Variants in SGCZ observed in about 807,000 individuals in gnomAD.
SGCZ encodes sarcoglycan zeta, also known as zeta-sarcoglycan.
A neutral mutation model predicts 41.3 loss-of-function variants in SGCZ; 40 were observed. That is an observed-to-expected ratio of 0.97 (90% CI 0.75 to 1.26). The LOEUF is 1.26. Ranked by LOEUF, SGCZ falls within the 50% of genes most tolerant of loss-of-function variation. The pLI, the probability that SGCZ is intolerant of heterozygous loss-of-function variation, is 0.00. For synonymous variants in SGCZ, 206 were observed against 137.5 expected (o/e 1.50, Z -3.49); for missense variants, 552 against 369.8 (o/e 1.49, Z -4.04).
At chr8:14,120,467 A>C (rs1357513998) in intron 5 of SGCZ, among the ~76,000 whole-genome samples, 2 of 152,116 alleles carry the variant, frequency 1.3e-5, no homozygotes, top group African/African-American at 4.8e-5. Flanking sequence ...TTCACTTAAG[A>C]ACATTACACA....
At chr8:14,150,877 G>A (rs914911393) in intron 5 of SGCZ, among the ~76,000 whole-genome samples, 13 of 152,130 alleles carry the variant, frequency 8.5e-5, no homozygotes, top group East Asian at 1.9e-4. Context: ...TTGCATCAAC[G>A]TGGATGGAAC....
Position 15,198,245 on chromosome 8 carries a change from C to T in SGCZ, c.39+39340G>A, listed in dbSNP as rs186616730. On this transcript the variant is annotated intron_variant, in intron 1 of 7. Coordinates refer to ENST00000382080, the MANE Select transcript of SGCZ (RefSeq NM_139167.4). ...AAATCTTCACCTATTTGCATTTTTA[C>T]GCCAAAATATGATTTCATGTTCAAG... Among the ~76,000 whole-genome samples the T allele has an allele frequency of 2.2e-3, 337 of 151,824 alleles. 3 individuals are homozygous for T. Among genetic ancestry groups the T allele is most frequent in the South Asian group, 1.7e-3 (8 of 4,812 alleles).
intron 1 of SGCZ, among the ~76,000 whole-genome samples, chr8:14,625,295 G>A (rs1806418003): frequency 6.6e-6 from 1 of 151,966 alleles, no homozygotes; most frequent in South Asian, 2.1e-4. Flanking sequence ...TTCTTTCCAT[G>A]GATCATCTAG....
chr8:15,227,014 G>A (rs1316689765), intron 1 of SGCZ, among the ~76,000 whole-genome samples: 1 of 152,158 alleles, frequency 6.6e-6, no homozygotes, highest in Middle Eastern at 3.2e-3. Context: ...TGAAAGGTGT[G>A]CTCCATTTTG....
intron 2 of SGCZ, among the ~76,000 whole-genome samples, chr8:14,418,610 T>C (rs1799559454): frequency 6.7e-6 from 1 of 149,378 alleles, no homozygotes; most frequent in Non-Finnish European, 1.5e-5. Context: ...CAAAGTCTGC[T>C]AACTATCAAT....
intron 5 of SGCZ, among the ~76,000 whole-genome samples, chr8:14,118,705 T>C (rs1384590369): frequency 6.6e-6 from 1 of 152,192 alleles, no homozygotes; most frequent in South Asian, 2.1e-4. Context: ...GTGTTACATT[T>C]AGGTCTGTAA....
chr8:14,825,628 C>T lies in SGCZ; in HGVS notation c.40-270702G>A, dbSNP rs141660473. ...AAATTAATTAACTCATTCATCCCCA[C>T]ATAAGCTTTATCTTAGTACAACGGA... On this transcript the variant is annotated intron_variant, in intron 1 of 7. Transcript: ENST00000382080. Among the ~76,000 whole-genome samples, 159 of 152,302 alleles carry T rather than the reference C, an allele frequency of 1.0e-3. 2 individuals are homozygous for T. The highest frequency in any genetic ancestry group is 3.7e-3 in the African/African-American group (154 of 41,578).
chr8:14,553,762 A>C (rs1482942750), intron 2 of SGCZ, among the ~76,000 whole-genome samples: 2 of 152,068 alleles, frequency 1.3e-5, no homozygotes, highest in Non-Finnish European at 2.9e-5. Context: ...ACCAATACCC[A>C]GTGGGGTTTA....
chr8:14,181,236 G>C (rs912695865), intron 4 of SGCZ, among the ~76,000 whole-genome samples: 2 of 152,124 alleles, frequency 1.3e-5, no homozygotes, highest in African/African-American at 4.8e-5. Context: ...TCCTACCTTG[G>C]GAGCTGAAAA....
Position 15,187,773 on chromosome 8 carries a change from G to C in SGCZ, c.39+49812C>G, listed in dbSNP as rs557392469. Among the ~76,000 whole-genome samples the C allele has an allele frequency of 5.3e-5, 8 of 152,066 alleles. No individual in the cohort carries two copies. In the South Asian group the frequency reaches 1.7e-3, roughly 31 times the overall value. On this transcript the variant is annotated intron_variant, in intron 1 of 7. Transcript: ENST00000382080. The stretch of plus-strand genomic sequence containing the variant: ...TAAAAAATAAGCTCTTCGTGAGTTT[G>C]ATTATGGACTATTATAAAGGATTTT...
intron 2 of SGCZ, among the ~76,000 whole-genome samples, chr8:14,367,386 C>A (rs1451845233): frequency 6.6e-6 from 1 of 152,194 alleles, no homozygotes; most frequent in East Asian, 1.9e-4. Context: ...AAACTCTTTG[C>A]CTGTTAGTTC....
chr8:14,122,887 C>G (rs1802743997), intron 5 of SGCZ, among the ~76,000 whole-genome samples: 1 of 152,126 alleles, frequency 6.6e-6, no homozygotes, highest in South Asian at 2.1e-4. Context: ...AGCCAGCTAC[C>G]TCAACAAAAT....
chr8:15,172,152 C>CGGTTTTTTTTT lies in SGCZ; in HGVS notation c.39+65432_39+65433insAAAAAAAAACC, dbSNP rs1322884184. On this transcript the variant is annotated intron_variant, in intron 1 of 7. Transcript: ENST00000382080. ...AAAGGAAAAAAATGCCTTTTATACT[C>CGGTTTTTTTTT]TGTTTTTTTTTTTTTTTTTTTTTTT... Among the ~76,000 whole-genome samples, 31 of 70,540 alleles carry CGGTTTTTTTTT rather than the reference C, an allele frequency of 4.4e-4. 2 individuals are homozygous for CGGTTTTTTTTT. Among genetic ancestry groups the CGGTTTTTTTTT allele is most frequent in the East Asian group, 8.4e-4 (2 of 2,384 alleles). The allele number at this position is 70,540 out of a possible 152,430, so 46.3% of individuals were successfully genotyped here. A position where few individuals can be genotyped will look rare whatever the true frequency, so the allele number is the denominator to read the frequency against.
chr8:14,674,915 T>C, intron 1 of SGCZ, among the ~76,000 whole-genome samples: 1 of 139,852 alleles, frequency 7.2e-6, no homozygotes, highest in Non-Finnish European at 1.5e-5. Flanking sequence ...CAATTTAACC[T>C]CTTTTCTTTT....
rs1384474472 is a variant in SGCZ, at chr8:14,853,069, A to C, written c.40-298143T>G. On this transcript the variant is annotated intron_variant, in intron 1 of 7. Transcript: ENST00000382080. ...AGTATATTCCAATAGCGGCCTTTGC[A>C]TGTGTGCATTATAGCAGCATTCATA... is the stretch of plus-strand genomic sequence containing the variant. Among the ~76,000 whole-genome samples the C allele has an allele frequency of 5.9e-5, 9 of 152,214 alleles. No individual in the cohort carries two copies. In the East Asian group the frequency reaches 1.7e-3, roughly 29 times the overall value.
chr8:14,656,639 C>A lies in SGCZ; in HGVS notation c.40-101713G>T, dbSNP rs544546615. Among the ~76,000 whole-genome samples the A allele has an allele frequency of 4.0e-5, 6 of 148,810 alleles. No individual in the cohort carries two copies. In the East Asian group the frequency reaches 1.0e-3, roughly 25 times the overall value. On this transcript the variant is annotated intron_variant, in intron 1 of 7. Coordinates refer to ENST00000382080, the MANE Select transcript of SGCZ (RefSeq NM_139167.4). ...CTCTCTCTCTCTCTCCTCCCCTCTCCTTTCCTCTCCTTTCATTTCCCTTTT... is the reference window on the plus strand; with the variant it reads ...CTCTCTCTCTCTCTCCTCCCCTCTCATTTCCTCTCCTTTCATTTCCCTTTT...
In SGCZ at chr8:14,090,460, T is replaced by C. The variant is rs1248837798; in HGVS notation, c.922A>G (p.Ile308Val). ...VGSTCQSSSN[I>V]CLWS Reference sequence around the variant, plus strand: ...CAGTCACTTCAGCTCCACAGGCAGATGTTGCTACTGGACTGACAAGTGGAA... The same window carrying C: ...CAGTCACTTCAGCTCCACAGGCAGACGTTGCTACTGGACTGACAAGTGGAA... Residue 308 changes from isoleucine (I) to valine (V), a missense_variant, in exon 8 of 8, where the codon ATC becomes GTC. Ile to Val is a conservative substitution (Grantham distance 29). Transcript: ENST00000382080. 8 of 1,612,340 alleles carry C rather than the reference T, an allele frequency of 5.0e-6. No individual in the cohort carries two copies. The highest frequency in any genetic ancestry group is 6.8e-6 in the Non-Finnish European group (8 of 1,179,080).
intron 1 of SGCZ, among the ~76,000 whole-genome samples, chr8:14,634,913 T>C (rs1378809165): frequency 2.0e-5 from 3 of 151,898 alleles, no homozygotes; most frequent in Non-Finnish European, 4.4e-5. Context: ...ATTAAAAATA[T>C]ATACATAGTA....
At chr8:14,908,406 G>T (rs970353155) in intron 1 of SGCZ, among the ~76,000 whole-genome samples, 4 of 152,074 alleles carry the variant, frequency 2.6e-5, no homozygotes, top group Non-Finnish European at 5.9e-5. Flanking sequence ...CTACCAAGGG[G>T]TATAATAAAC....
Sources: gnomAD v4.1 joint callset for allele counts (sites outside exome capture counted in the v4.1 genomes callset) on GRCh38, gnomAD v4.1.1 for gene constraint, MANE v1.5 for transcripts, NCBI Gene and HGNC (gene_info 2026-07-23, HGNC 2026-07-21) for gene names.